The following GRID2 variants were observed in gnomAD, a reference collection of about 807,000 sequenced individuals.
The protein encoded by GRID2 is glutamate receptor ionotropic, delta-2.
In GRID2, 33 loss-of-function variants were observed where a neutral mutation model predicts 114.8. The ratio of observed to expected loss-of-function variants is 0.29; its 90% CI spans 0.22 to 0.38. The LOEUF (loss-of-function observed/expected upper bound fraction) is 0.38, where lower values mean the gene tolerates loss of function less well. Ranked by LOEUF, GRID2 falls within the 10% of genes least tolerant of loss-of-function variation. GRID2 has a pLI of 1.00. For missense variants in GRID2, 1,184 were observed against 1,257.7 expected (o/e 0.94, Z 0.89); for synonymous variants, 505 against 449.9 (o/e 1.12, Z -1.55).
intron 2 of GRID2, among the ~76,000 whole-genome samples, chr4:92,901,318 A>G (rs552834353): frequency 2.8e-4 from 43 of 152,204 alleles, no homozygotes; most frequent in African/African-American, 1.0e-3. Context: ...CATTTCTCAG[A>G]TGGTAAGTGG....
intron 2 of GRID2, among the ~76,000 whole-genome samples, chr4:92,691,718 A>C (rs1442511036): frequency 6.6e-6 from 1 of 152,256 alleles, no homozygotes; most frequent in African/African-American, 2.4e-5. Context: ...GGAAAACGGC[A>C]GTCATCCTGG....
rs1231990938 is a variant in GRID2, at chr4:93,099,427, T to C, written c.530-11321T>C. The stretch of plus-strand genomic sequence containing the variant: ...AGTTTCAGGATAGCCTTTACTATTC[T>C]GCAACAAGGTTGGTGGTAACCTTAT... On this transcript the variant is annotated intron_variant, in intron 3 of 15. Coordinates refer to ENST00000282020, the MANE Select transcript of GRID2 (RefSeq NM_001510.4). 8.6e-5 allele frequency among the ~76,000 whole-genome samples: 13 copies of C among 151,920 alleles called. No homozygotes were observed. In the Admixed American group the frequency reaches 8.6e-4, roughly 10 times the overall value.
chr4:93,373,960 A>G (rs1246891999), intron 8 of GRID2, among the ~76,000 whole-genome samples: 1 of 152,202 alleles, frequency 6.6e-6, no homozygotes, highest in Non-Finnish European at 1.5e-5. Flanking sequence ...CAGAAGGCTT[A>G]TTAGGGTATA....
chr4:92,840,368 T>C (rs1742795480), intron 2 of GRID2, among the ~76,000 whole-genome samples: 1 of 151,972 alleles, frequency 6.6e-6, no homozygotes, highest in Non-Finnish European at 1.5e-5. Flanking sequence ...TTTTTTTAAA[T>C]TTGTTTTCTG....
intron 2 of GRID2, among the ~76,000 whole-genome samples, chr4:92,690,518 C>T (rs1490569248): frequency 6.6e-6 from 1 of 152,076 alleles, no homozygotes; most frequent in East Asian, 1.9e-4. Flanking sequence ...TCAAGAGTTA[C>T]CAAAATGTGA....
Position 93,515,257 on chromosome 4 carries a change from G to T in GRID2, c.2039G>T (p.Gly680Val). 6.2e-7 allele frequency: 1 copy of T among 1,606,470 alleles called. No individual in the cohort carries two copies. The highest frequency in any genetic ancestry group is 8.5e-7 in the Non-Finnish European group (1 of 1,175,492). Residue 680 changes from glycine (G) to valine (V), a missense_variant, in exon 13 of 16, where the codon GGC (glycine) becomes GTC (valine). Physicochemically the swap from Gly to Val is moderately radical, Grantham distance 109. Transcript: ENST00000282020. ...TCCAAGCAAACAGAAATCCCTTATG[G>T]CACAGTCCTAGACTCTGCGGTATAT... ...DLSKQTEIPYGTVLDSAVYEH... is the reference protein window; with the variant it reads ...DLSKQTEIPYVTVLDSAVYEH...
intron 13 of GRID2, among the ~76,000 whole-genome samples, chr4:93,602,193 G>A (rs143741925): frequency 3.9e-5 from 6 of 151,994 alleles, no homozygotes; most frequent in Admixed American, 6.5e-5. Context: ...GTTATTATAC[G>A]GGCAATTCTT....
chr4:92,404,672 A>G (rs1056044975), intron 1 of GRID2, among the ~76,000 whole-genome samples: 6 of 152,192 alleles, frequency 3.9e-5, no homozygotes, highest in African/African-American at 1.2e-4. Context: ...AATGTGGTAC[A>G]TACACACCAT....
chr4:93,394,215 A>G lies in GRID2; in HGVS notation c.1246-1392A>G, dbSNP rs1037377378. 3.3e-5 allele frequency among the ~76,000 whole-genome samples: 5 copies of G among 152,006 alleles called. No homozygotes were observed. The East Asian group carries it at 9.6e-4, about 29-fold the overall frequency. ...CAATGTCTTTGATAATTAGACTTTC[A>G]ACACATTTGGATTTGCTAATTGGAT... On this transcript the variant is annotated intron_variant, in intron 8 of 15. Transcript: ENST00000282020.
chr4:92,658,281 A>G (rs1732345035), intron 2 of GRID2, among the ~76,000 whole-genome samples: 3 of 151,834 alleles, frequency 2.0e-5, no homozygotes, highest in African/African-American at 7.2e-5. Flanking sequence ...CTGAATAGTG[A>G]TGAATTATTC....
At chr4:92,429,915 C>G (rs1342042936) in intron 1 of GRID2, among the ~76,000 whole-genome samples, 2 of 152,062 alleles carry the variant, frequency 1.3e-5, no homozygotes, top group Non-Finnish European at 2.9e-5. Context: ...TGAGAAATGT[C>G]TATTCAGATC....
chr4:92,923,536 C>A (rs1323632057), intron 2 of GRID2, among the ~76,000 whole-genome samples: 1 of 152,032 alleles, frequency 6.6e-6, no homozygotes, highest in Non-Finnish European at 1.5e-5. Context: ...TTTATAAATA[C>A]TTTAGAATAC....
intron 13 of GRID2, among the ~76,000 whole-genome samples, chr4:93,526,211 G>C (rs115015132): frequency 6.6e-6 from 1 of 152,038 alleles, no homozygotes; most frequent in Non-Finnish European, 1.5e-5. Context: ...CCGAGCTAGT[G>C]GTTTTAAAGT....
chr4:92,816,430 A>T (rs1458542626), intron 2 of GRID2, among the ~76,000 whole-genome samples: 1 of 151,188 alleles, frequency 6.6e-6, no homozygotes, highest in Non-Finnish European at 1.5e-5. Flanking sequence ...TTAAAACCTT[A>T]TTATTGCTCA....
chr4:92,375,843 T>C (rs918602098), intron 1 of GRID2, among the ~76,000 whole-genome samples: 1 of 152,168 alleles, frequency 6.6e-6, no homozygotes, highest in African/African-American at 2.4e-5. Flanking sequence ...GAATATGCAA[T>C]TTAATAGGTA....
At chr4:92,462,013 G>A (rs1363966784) in intron 1 of GRID2, among the ~76,000 whole-genome samples, 1 of 151,946 alleles carries the variant, frequency 6.6e-6, no homozygotes, top group African/African-American at 2.4e-5. Flanking sequence ...AATGCATGGA[G>A]CATTACAAGA....
At chr4:92,322,027 G>A (rs574933484) in intron 1 of GRID2, among the ~76,000 whole-genome samples, 66 of 152,218 alleles carry the variant, frequency 4.3e-4, no homozygotes, top group African/African-American at 1.5e-3. Context: ...AATTGAACTT[G>A]CAACTTACAT....
chr4:92,555,722 G>A (rs888399583), intron 1 of GRID2, among the ~76,000 whole-genome samples: 2 of 152,120 alleles, frequency 1.3e-5, no homozygotes, highest in African/African-American at 4.8e-5. Context: ...TCCAAGCCAT[G>A]TTGAGGATGG....
intron 2 of GRID2, among the ~76,000 whole-genome samples, chr4:92,732,909 G>C (rs1283768853): frequency 6.6e-6 from 1 of 151,988 alleles, no homozygotes; most frequent in East Asian, 1.9e-4. Context: ...TGGCTGTAAG[G>C]CCTAGTACAG....
Sources: allele counts gnomAD v4.1 joint callset (sites outside exome capture counted in the v4.1 genomes callset), GRCh38; gene constraint gnomAD v4.1.1; transcripts MANE v1.5; gene names NCBI Gene and HGNC (gene_info 2026-07-23, HGNC 2026-07-21).